The following LRP1B variants were observed in gnomAD, a reference collection of about 807,000 sequenced individuals.
LRP1B encodes low-density lipoprotein receptor-related protein 1B.
A neutral mutation model predicts 556.6 loss-of-function variants in LRP1B; 217 were observed. That is an observed-to-expected ratio of 0.39 (90% CI 0.35 to 0.44). The LOEUF is 0.44. Ranked by LOEUF, LRP1B falls within the 20% of genes least tolerant of loss-of-function variation. The probability of loss-of-function intolerance (pLI) is 1.00; values close to 1 mark genes in which losing one functional copy is unlikely to be tolerated. For synonymous variants in LRP1B, 2,047 were observed against 1,865.8 expected (o/e 1.10, Z -2.50); for missense variants, 5,053 against 5,620.8 (o/e 0.90, Z 3.23).
chr2:140,621,230 A>G (rs1683439274), intron 41 of LRP1B, among the ~76,000 whole-genome samples: 1 of 151,326 alleles, frequency 6.6e-6, no homozygotes, highest in South Asian at 2.1e-4. Context: ...AAATACAAAA[A>G]AAAAAATTAG....
chr2:141,171,814 C>A (rs957165016), intron 7 of LRP1B, among the ~76,000 whole-genome samples: 7 of 152,036 alleles, frequency 4.6e-5, no homozygotes, highest in African/African-American at 1.7e-4. Context: ...CCATACCTCA[C>A]AAGAAACACT....
At chr2:141,120,499 C>A (rs1310729358) in intron 7 of LRP1B, among the ~76,000 whole-genome samples, 1 of 151,862 alleles carries the variant, frequency 6.6e-6, no homozygotes, top group Non-Finnish European at 1.5e-5. Flanking sequence ...TGCAAAAATT[C>A]TATCTCAGAT....
intron 1 of LRP1B, among the ~76,000 whole-genome samples, chr2:141,897,632 A>C (rs1262635343): frequency 6.6e-6 from 1 of 152,162 alleles, no homozygotes; most frequent in Non-Finnish European, 1.5e-5. Flanking sequence ...TCTATGCCAC[A>C]TCAGAAATGG....
intron 23 of LRP1B, among the ~76,000 whole-genome samples, chr2:140,888,133 G>A (rs752357292): frequency 3.3e-5 from 5 of 152,022 alleles, no homozygotes; most frequent in Non-Finnish European, 7.4e-5. Flanking sequence ...TAACAGTCCA[G>A]GTTCCATATA....
intron 1 of LRP1B, among the ~76,000 whole-genome samples, chr2:142,086,698 G>A (rs1295969851): frequency 1.3e-5 from 2 of 151,210 alleles, no homozygotes; most frequent in Non-Finnish European, 2.9e-5. Context: ...GTGAAAATAC[G>A]AGGCTCTCCG....
chr2:140,522,510 C>A (rs2890534), intron 49 of LRP1B, among the ~76,000 whole-genome samples: 140,303 of 151,736 alleles, frequency 0.92, 65,776 homozygotes, highest in East Asian at 1. Flanking sequence ...TGCACCTAAA[C>A]GAACCAAGGA....
intron 1 of LRP1B, among the ~76,000 whole-genome samples, chr2:142,127,757 A>ATAACAGC (rs1395692741): frequency 6.6e-6 from 1 of 152,050 alleles, no homozygotes; most frequent in African/African-American, 2.4e-5. Context: ...TAAAATGACT[A>ATAACAGC]TAACAGCATG....
intron 2 of LRP1B, among the ~76,000 whole-genome samples, chr2:141,737,533 A>G (rs1275833369): frequency 6.6e-6 from 1 of 152,186 alleles, no homozygotes; most frequent in Non-Finnish European, 1.5e-5. Flanking sequence ...AAGAAATATA[A>G]TAAATTATTG....
At chr2:141,952,264 G>A (rs1270942040) in intron 1 of LRP1B, among the ~76,000 whole-genome samples, 1 of 151,848 alleles carries the variant, frequency 6.6e-6, no homozygotes, top group Admixed American at 6.6e-5. Flanking sequence ...ATGGACATTT[G>A]GGTTGGTTCC....
intron 2 of LRP1B, among the ~76,000 whole-genome samples, chr2:141,551,647 C>G (rs1460724076): frequency 6.6e-6 from 1 of 152,010 alleles, no homozygotes; most frequent in African/African-American, 2.4e-5. Context: ...TAATTGGCTA[C>G]ATAGCATGCA....
chr2:141,713,031 C>G (rs1020468104), intron 2 of LRP1B, among the ~76,000 whole-genome samples: 1 of 151,632 alleles, frequency 6.6e-6, no homozygotes, highest in African/African-American at 2.4e-5. Flanking sequence ...TTATCCTAAC[C>G]TCCATTGAAC....
intron 52 of LRP1B, among the ~76,000 whole-genome samples, chr2:140,507,356 T>C (rs944414619): frequency 3.3e-5 from 5 of 152,286 alleles, no homozygotes; most frequent in Admixed American, 2.0e-4. Context: ...GCAATGCTAA[T>C]GTTCATAAAG....
intron 2 of LRP1B, among the ~76,000 whole-genome samples, chr2:141,763,514 T>A (rs1694631254): frequency 6.6e-6 from 1 of 152,088 alleles, no homozygotes; most frequent in Non-Finnish European, 1.5e-5. Context: ...AACACAAGTA[T>A]CTCTATCTCA....
chr2:140,440,062 G>A (rs999288433), intron 66 of LRP1B, among the ~76,000 whole-genome samples: 2 of 151,850 alleles, frequency 1.3e-5, no homozygotes, highest in African/African-American at 4.8e-5. Flanking sequence ...ATATGTCAAG[G>A]TAGAACAAAC....
chr2:141,480,407 A>T lies in LRP1B; in HGVS notation c.332T>A (p.Val111Glu), dbSNP rs773570931. The T allele has an allele frequency of 1.9e-6, 3 of 1,613,800 alleles. No individual in the cohort carries two copies. ...ACAAATGGACTCACCCTGACAATGTACTCCTTCGTCATACCCATCTGGGCA... is the reference window on the plus strand; with the variant it reads ...ACAAATGGACTCACCCTGACAATGTTCTCCTTCGTCATACCCATCTGGGCA... ...LDCPDGYDEG[V>E]HCQELLSNCQ... Residue 111 changes from valine to glutamate, a missense_variant, in exon 3 of 91, where the codon GTA becomes GAA. Coordinates refer to ENST00000389484, the MANE Select transcript of LRP1B (RefSeq NM_018557.3).
chr2:141,254,997 C>T (rs929992229), intron 3 of LRP1B, among the ~76,000 whole-genome samples: 1 of 151,948 alleles, frequency 6.6e-6, no homozygotes, highest in Non-Finnish European at 1.5e-5. Flanking sequence ...GATTTTCTAG[C>T]TTTTGAGAGC....
intron 11 of LRP1B, among the ~76,000 whole-genome samples, chr2:141,035,261 C>T (rs1029245654): frequency 4.0e-5 from 6 of 151,794 alleles, no homozygotes; most frequent in Non-Finnish European, 7.4e-5. Flanking sequence ...TGCTAAATGA[C>T]GAGTTAATGG....
At chr2:141,609,026 T>C (rs1411093316) in intron 2 of LRP1B, among the ~76,000 whole-genome samples, 1 of 152,214 alleles carries the variant, frequency 6.6e-6, no homozygotes, top group Non-Finnish European at 1.5e-5. Context: ...CAATTTTTTG[T>C]GCTACTCACA....
intron 43 of LRP1B, among the ~76,000 whole-genome samples, chr2:140,579,948 G>A: frequency 6.6e-6 from 1 of 152,160 alleles, no homozygotes; most frequent in Non-Finnish European, 1.5e-5. Context: ...GAAGGAAATA[G>A]GATGGCTGAC....
Sources: gnomAD v4.1 joint callset for allele counts (sites outside exome capture counted in the v4.1 genomes callset) on GRCh38, gnomAD v4.1.1 for gene constraint, MANE v1.5 for transcripts, NCBI Gene and HGNC (gene_info 2026-07-23, HGNC 2026-07-21) for gene names.